The following RYR1 variants were observed in gnomAD, a reference collection of about 807,000 sequenced individuals.
RYR1 encodes the protein central core disease of muscle.
RYR1 carries 342 observed loss-of-function variants against 583.5 expected under a neutral mutation model. The observed-to-expected ratio is 0.59, with a 90% CI of 0.54 to 0.64. RYR1 has a LOEUF of 0.64. RYR1 is among the 30% of genes least tolerant of loss of function. RYR1 has a pLI of 0.00. For synonymous variants in RYR1, 2,791 were observed against 2,822.5 expected (o/e 0.99, Z 0.35); for missense variants, 6,032 against 6,917.2 (o/e 0.87, Z 4.54).
At chr19:38,560,086 G>T (rs1973057658) in intron 89 of RYR1, among the ~76,000 whole-genome samples, 2 of 152,218 alleles carry the variant, frequency 1.3e-5, no homozygotes, top group South Asian at 4.1e-4. Context: ...ATCTGTGGGT[G>T]AACTTGGTGA....
intron 39 of RYR1, among the ~76,000 whole-genome samples, chr19:38,495,161 C>T (rs191669996): frequency 1.3e-5 from 2 of 152,060 alleles, no homozygotes; most frequent in South Asian, 2.1e-4. Context: ...TGAGGTTTAC[C>T]CTTTTTGAGC....
chr19:38,534,697 C>A, intron 78 of RYR1, 23 bp from the exon 79 acceptor site: 1 of 1,606,754 alleles, frequency 6.2e-7, no homozygotes, highest in South Asian at 1.1e-5. Flanking sequence ...GACTTGCCTT[C>A]ATGTGTCTGC....
intron 82 of RYR1, 111 bp from the exon 83 acceptor site, chr19:38,536,629 CTCTCTGTGTG>C: frequency 8.6e-7 from 1 of 1,168,464 alleles, no homozygotes; most frequent in Admixed American, 1.9e-5. Flanking sequence ...TTGTTCCTCT[CTCTCTGTGTG>C]TCTTTCTGTG....
In RYR1 at chr19:38,499,817, G is replaced by T. The variant is rs111364296; in HGVS notation, c.7210G>T (p.Glu2404Ter). Reference protein sequence around the residue: ...GPGIRRDRRREHFGEEPPEEN... With the variant: ...GPGIRRDRRR ...AGGCATCCGCAGGGACCGGCGGCGC[G>T]AGCAGTGAGTCTCCCGGCCCCCTCC... The change falls in exon 44 of 106, where the codon GAG becomes TAG. Residue 2404 changes from glutamate (E) to a stop codon, truncating the protein, a stop_gained. Transcript: ENST00000359596. LOFTEE classifies it high-confidence loss of function. The surrounding 1 kb of genome is among the most constrained non-coding windows in gnomAD (Gnocchi z 7.3). 3.1e-6 allele frequency: 5 copies of T among 1,606,808 alleles called. No individual in the cohort carries two copies. The South Asian group carries it at 5.5e-5, about 18-fold the overall frequency.
chr19:38,542,285 CT>C (rs1245021803), intron 84 of RYR1, among the ~76,000 whole-genome samples: 1 of 151,838 alleles, frequency 6.6e-6, no homozygotes, highest in East Asian at 1.9e-4. Context: ...GTTCCCTGGC[CT>C]TTAGTAGGTG....
At chr19:38,487,983 A>C (rs566975989) in intron 34 of RYR1, among the ~76,000 whole-genome samples, 8 of 152,040 alleles carry the variant, frequency 5.3e-5, no homozygotes, top group African/African-American at 9.7e-5. Flanking sequence ...TGTAAGAGAC[A>C]GGGTAATGCC....
intron 23 of RYR1, 64 bp from the exon 24 acceptor site, chr19:38,466,027 T>TATA: frequency 6.8e-7 from 1 of 1,474,022 alleles, no homozygotes. Flanking sequence ...AGGGATCCCA[T>TATA]ATAGTGCAGA....
In RYR1 at chr19:38,500,585, C is replaced by T. The variant is rs757010658; in HGVS notation, c.7324-21C>T. The T allele has an allele frequency of 7.3e-5, 117 of 1,611,716 alleles. No homozygotes were observed. The highest frequency in any genetic ancestry group is 3.3e-4 in the Admixed American group (20 of 59,984). ...GCACCAGCGCCTGATGAGTGCCCCT[C>T]TCCCTCCCTCTACTCCCCAGCTAAT... On this transcript the variant is annotated intron_variant, in intron 45 of 105. Coordinates refer to ENST00000359596, the MANE Select transcript of RYR1 (RefSeq NM_000540.3). This position sits in a 1 kb window ranked among gnomAD's most constrained non-coding sequence, Gnocchi z 5.9.
chr19:38,508,878 A>G (rs1970599829), intron 58 of RYR1, among the ~76,000 whole-genome samples: 1 of 151,238 alleles, frequency 6.6e-6, no homozygotes, highest in Admixed American at 6.6e-5. Flanking sequence ...TGGTGTTCAC[A>G]GGGTCCCTCT....
Position 38,459,354 on chromosome 19 carries a change from C to T in RYR1, c.2360+16C>T, listed in dbSNP as rs368752829. On this transcript the variant is annotated intron_variant, in intron 19 of 105. Coordinates refer to ENST00000359596, the MANE Select transcript of RYR1 (RefSeq NM_000540.3). ...CTGGTGTCAAGTGAGAACTTGCCCC[C>T]ACCCCACGGCCAGTCCTCAGACCTA... 1.1e-5 allele frequency: 17 copies of T among 1,612,872 alleles called. No homozygotes were observed. The highest frequency in any genetic ancestry group is 1.4e-5 in the Non-Finnish European group (17 of 1,179,386).
At chr19:38,531,859 G>A (rs1339757575) in intron 76 of RYR1, among the ~76,000 whole-genome samples, 1 of 152,082 alleles carries the variant, frequency 6.6e-6, no homozygotes, top group Non-Finnish European at 1.5e-5. Context: ...AAGCCTTGAT[G>A]GCACCACTGC....
At position 38,572,166 on chromosome 19, in the gene RYR1, T is replaced by G. The variant is rs1162916559; in HGVS notation, c.13894T>G (p.Phe4632Val). ...TGAGGATGAGAACATGGTGTACTAC[T>G]TCCTGGAGGAAAGCACAGGCTACAT... ...GDEDENMVYY[F>V]LEESTGYMEP... The change falls in exon 95 of 106, where the codon TTC becomes GTC. Residue 4632 changes from phenylalanine (F) to valine (V), a missense_variant. Phe to Val is a conservative substitution (Grantham distance 50, BLOSUM62 -1). Around this residue, in one of 11 missense-constraint regions of RYR1, gnomAD observed 188 missense variants for 215.6 expected, o/e 0.87. Transcript: ENST00000359596. The G allele has an allele frequency of 1.2e-6, 2 of 1,614,078 alleles. No individual in the cohort carries two copies. The highest frequency in any genetic ancestry group is 1.7e-6 in the Non-Finnish European group (2 of 1,179,984).
Position 38,535,305 on chromosome 19 carries a change from G to T in RYR1, c.11440-11G>T. 2 of 1,613,984 alleles carry T rather than the reference G, an allele frequency of 1.2e-6. No homozygotes were observed. The highest frequency in any genetic ancestry group is 2.2e-5 in the East Asian group (1 of 44,886). On this transcript the variant is annotated splice_polypyrimidine_tract_variant and intron_variant, in intron 80 of 105. Transcript: ENST00000359596. Reference sequence around the variant, plus strand: ...CTCCCAGTTTCTCCTCCCCTGCCTCGCCCTCTGCAGAAAATGCTGGATTAT... The same window carrying T: ...CTCCCAGTTTCTCCTCCCCTGCCTCTCCCTCTGCAGAAAATGCTGGATTAT...
At chr19:38,579,015 A>G (rs1214122751) in intron 99 of RYR1, among the ~76,000 whole-genome samples, 1 of 151,874 alleles carries the variant, frequency 6.6e-6, no homozygotes, top group Non-Finnish European at 1.5e-5. Flanking sequence ...CAGCCACTCA[A>G]CAAGCTGCGG....
intron 88 of RYR1, among the ~76,000 whole-genome samples, chr19:38,547,712 CATT>C (rs1271617769): frequency 3.4e-5 from 5 of 147,874 alleles, no homozygotes; most frequent in Admixed American, 1.4e-4. Context: ...CGTACATCAT[CATT>C]ATCTTTTTTT....
rs546280470 is a variant in RYR1, at chr19:38,573,317, C to A, written c.14129+10C>A. The A allele has an allele frequency of 3.9e-5, 63 of 1,612,556 alleles. No homozygotes were observed. The highest frequency in any genetic ancestry group is 5.1e-5 in the Non-Finnish European group (60 of 1,179,354). On this transcript the variant is annotated intron_variant, in intron 96 of 105. Transcript: ENST00000359596. ...TGGTGCTCAACACGCCGTAAGGACC[C>A]AGCCCCCACCTCAGGGTGGCAGCAG... is the stretch of plus-strand genomic sequence containing the variant.
Position 38,565,034 on chromosome 19 carries a change from G to A in RYR1, c.12700G>A (p.Val4234Met), listed in dbSNP as rs193922852. The part of the protein sequence containing the change: ...GGEAEKMELF[V>M]SFCEDTIFEM... ...CGAGGCTGAGAAGATGGAGCTCTTC[G>A]TGAGTTTCTGCGAGGACACCATCTT... Residue 4234 changes from valine to methionine, a missense_variant, in exon 91 of 106, where the codon GTG becomes ATG. Physicochemically the swap from Val to Met is conservative, Grantham distance 21. Coordinates refer to ENST00000359596, the MANE Select transcript of RYR1 (RefSeq NM_000540.3). The surrounding 1 kb of genome is among the most constrained non-coding windows in gnomAD (Gnocchi z 4.7). 3 of 1,583,072 alleles carry A rather than the reference G, an allele frequency of 1.9e-6. No individual in the cohort carries two copies. The African/African-American group carries it at 4.0e-5, about 21-fold the overall frequency.
At position 38,494,563 on chromosome 19, in the gene RYR1, C is replaced by G. The variant is rs1183968421; in HGVS notation, c.6486C>G (p.Ile2162Met). The G allele has an allele frequency of 1.9e-6, 3 of 1,614,138 alleles. No individual in the cohort carries two copies. Among genetic ancestry groups the G allele is most frequent in the Non-Finnish European group, 2.5e-6 (3 of 1,180,044 alleles). The change falls in exon 39 of 106, where the codon ATC (isoleucine) becomes ATG (methionine). Residue 2162 changes from isoleucine (I) to methionine (M), a missense_variant. Transcript: ENST00000359596. ...GCCTGCTCGAGTGCCTCGGCCAGAT[C>G]CGCTCGCTGCTCATCGTGCAGATGG... ...TMSLLECLGQ[I>M]RSLLIVQMGP...
At chr19:38,456,129 G>A (rs1305141095) in intron 16 of RYR1, among the ~76,000 whole-genome samples, 8 of 127,936 alleles carry the variant, frequency 6.3e-5, no homozygotes, top group Non-Finnish European at 1.0e-4. Flanking sequence ...ACACCACCAC[G>A]CCCAGCTAAT....
Sources: allele counts gnomAD v4.1 joint callset (sites outside exome capture counted in the v4.1 genomes callset), GRCh38; gene constraint gnomAD v4.1.1; regional missense constraint gnomAD v4.1.1; non-coding constraint Gnocchi (gnomAD v3.1); transcripts MANE v1.5; gene names NCBI Gene and HGNC (gene_info 2026-07-23, HGNC 2026-07-21).